MPZL1: variants seen among roughly 807,000 people sequenced by gnomAD.
MPZL1 encodes the protein myelin protein zero like 1.
MPZL1 carries 16 observed loss-of-function variants against 29.3 expected under a neutral mutation model. The ratio of observed to expected loss-of-function variants is 0.55; its 90% confidence interval spans 0.37 to 0.83. The LOEUF (loss-of-function observed/expected upper bound fraction) is 0.83. MPZL1 is among the 40% of genes least tolerant of loss of function. The pLI is 0.00. For missense variants in MPZL1, 279 were observed against 332.9 expected (o/e 0.84, Z 1.26); for synonymous variants, 143 against 132.0 (o/e 1.08, Z -0.57).
chr1:167,783,128 C>A (rs554139782), intron 5 of MPZL1, among the ~76,000 whole-genome samples: 1 of 152,272 alleles, frequency 6.6e-6, no homozygotes, highest in Admixed American at 6.5e-5. Flanking sequence ...GTTCTGGCTT[C>A]CAGCATTGTG....
intron 1 of MPZL1, among the ~76,000 whole-genome samples, chr1:167,743,922 G>A (rs371919206): frequency 1.3e-5 from 2 of 151,810 alleles, no homozygotes; most frequent in East Asian, 1.9e-4. Context: ...TGATTTCTCG[G>A]GCTAGGACTT....
intron 2 of MPZL1, among the ~76,000 whole-genome samples, chr1:167,767,854 ATTTTG>A (rs61669633): frequency 0.41 from 48,217 of 116,752 alleles, 10,450 homozygotes; most frequent in African/African-American, 0.63. Flanking sequence ...TTTTGTAATC[ATTTTG>A]TTTTGTTTTG....
chr1:167,739,440 G>C (rs60957395), intron 1 of MPZL1, among the ~76,000 whole-genome samples: 1 of 151,510 alleles, frequency 6.6e-6, no homozygotes, highest in Admixed American at 6.6e-5. Context: ...TTGGTGGTGT[G>C]CAGAGTGTTA....
In MPZL1 at chr1:167,750,985, A is replaced by G. The variant is rs1660743153; in HGVS notation, c.92-14598A>G. Among the ~76,000 whole-genome samples the G allele has an allele frequency of 2.6e-5, 4 of 152,292 alleles. No individual in the cohort carries two copies. In the East Asian group the frequency reaches 7.7e-4, roughly 29 times the overall value. ...GTGTCTGATGATTTAGGCTATCCAT[A>G]TTTGGCAGGAACACCACGGAAGTAA... is the stretch of plus-strand genomic sequence containing the variant. On this transcript the variant is annotated intron_variant, in intron 1 of 5. Transcript: ENST00000359523.
At chr1:167,755,261 A>G (rs1191778901) in intron 1 of MPZL1, among the ~76,000 whole-genome samples, 1 of 152,094 alleles carries the variant, frequency 6.6e-6, no homozygotes, top group African/African-American at 2.4e-5. Context: ...ATTCTTTCCA[A>G]TCTCTTGTTC....
intron 5 of MPZL1, among the ~76,000 whole-genome samples, chr1:167,785,999 T>C (rs1661585490): frequency 6.6e-6 from 1 of 152,186 alleles, no homozygotes; most frequent in Non-Finnish European, 1.5e-5. Flanking sequence ...TTCACCGTGT[T>C]AGCAAGGATG....
At chr1:167,775,599 A>G (rs1221486590) in intron 4 of MPZL1, among the ~76,000 whole-genome samples, 1 of 152,182 alleles carries the variant, frequency 6.6e-6, no homozygotes, top group East Asian at 1.9e-4. Context: ...TTGCCTGGAT[A>G]TATATCTGTA....
At chr1:167,746,305 A>T (rs1245147515) in intron 1 of MPZL1, among the ~76,000 whole-genome samples, 1 of 151,984 alleles carries the variant, frequency 6.6e-6, no homozygotes, top group Non-Finnish European at 1.5e-5. Flanking sequence ...AGGCTCTGGG[A>T]TGAGATGAGA....
rs975223626 is a variant in MPZL1, at chr1:167,772,339, G to T, written c.323G>T (p.Ser108Ile). ...GNYPPFKDRI[S>I]WAGDLDKKDA... Reference sequence around the variant, plus strand: ...TATCCACCATTTAAAGACAGAATCAGCTGGGCTGGAGACCTTGACAAGAAA... The same window carrying T: ...TATCCACCATTTAAAGACAGAATCATCTGGGCTGGAGACCTTGACAAGAAA... The change falls in exon 3 of 6, where the codon AGC (serine) becomes ATC (isoleucine). Residue 108 changes from serine to isoleucine, a missense_variant. Transcript: ENST00000359523. The T allele has an allele frequency of 1.9e-6, 3 of 1,613,796 alleles. No individual in the cohort carries two copies. Among genetic ancestry groups the T allele is most frequent in the Non-Finnish European group, 2.5e-6 (3 of 1,179,850 alleles).
chr1:167,737,017 G>T (rs1026508097), intron 1 of MPZL1, among the ~76,000 whole-genome samples: 1 of 152,114 alleles, frequency 6.6e-6, no homozygotes, highest in African/African-American at 2.4e-5. Flanking sequence ...GATTACCCTT[G>T]TCCCTTATTT....
intron 2 of MPZL1, 70 bp downstream of exon 2, chr1:167,765,819 C>T (rs546058324): frequency 1.5e-6 from 2 of 1,364,996 alleles, no homozygotes; most frequent in South Asian, 1.6e-5. Context: ...AATTGGTGAT[C>T]CATTTTTCTG....
chr1:167,730,549 G>A (rs914826853), intron 1 of MPZL1, among the ~76,000 whole-genome samples: 17 of 152,138 alleles, frequency 1.1e-4, no homozygotes, highest in African/African-American at 4.1e-4. Flanking sequence ...AAAGAGTTGG[G>A]ATTACAGGTA....
Position 167,773,305 on chromosome 1 carries a change from T to C in MPZL1, c.542T>C (p.Leu181Pro). The change falls in exon 4 of 6, where the codon CTG becomes CCG. Residue 181 changes from leucine to proline, a missense_variant. Coordinates refer to ENST00000359523, the MANE Select transcript of MPZL1 (RefSeq NM_003953.6). ...ACTGCTGTGGTCCTAGGTCTCACTCTGCTCATCAGCATGATTCTGGCTGTC... is the reference window on the plus strand; with the variant it reads ...ACTGCTGTGGTCCTAGGTCTCACTCCGCTCATCAGCATGATTCTGGCTGTC... ...IVTAVVLGLT[L>P]LISMILAVLY... 6.2e-7 allele frequency: 1 copy of C among 1,613,926 alleles called. No homozygotes were observed.
At chr1:167,767,800 T>C (rs1661149161) in intron 2 of MPZL1, among the ~76,000 whole-genome samples, 1 of 149,944 alleles carries the variant, frequency 6.7e-6, no homozygotes, top group Admixed American at 6.6e-5. Context: ...TGCTTTTTTT[T>C]TTTTTTTTTT....
chr1:167,760,747 CTGTG>C (rs58963124), intron 1 of MPZL1, among the ~76,000 whole-genome samples: 6,300 of 120,036 alleles, frequency 0.052, 246 homozygotes, highest in African/African-American at 0.13. Flanking sequence ...GTTGAATAGG[CTGTG>C]TGTGTGTGTG....
intron 1 of MPZL1, among the ~76,000 whole-genome samples, chr1:167,726,165 CT>C (rs1660142106): frequency 6.6e-6 from 1 of 152,146 alleles, no homozygotes; most frequent in Admixed American, 6.5e-5. Flanking sequence ...CATCTTTCTG[CT>C]CTGTGACACT....
At chr1:167,761,774 C>T (rs12122964) in intron 1 of MPZL1, among the ~76,000 whole-genome samples, 3 of 152,152 alleles carry the variant, frequency 2.0e-5, no homozygotes, top group African/African-American at 7.2e-5. Flanking sequence ...CAGCTGTGGT[C>T]AGCCACCCTG....
intron 1 of MPZL1, among the ~76,000 whole-genome samples, chr1:167,734,165 A>G (rs12565023): frequency 0.29 from 43,502 of 151,312 alleles, 6,352 homozygotes; most frequent in Middle Eastern, 0.33. Context: ...CTGAGGCAGG[A>G]GAATGGCGTG....
In MPZL1 at chr1:167,758,084, G is replaced by A. The variant is rs1571154237; in HGVS notation, c.92-7499G>A. On this transcript the variant is annotated intron_variant, in intron 1 of 5. Coordinates refer to ENST00000359523, the MANE Select transcript of MPZL1 (RefSeq NM_003953.6). ...CCAGAGAATCACTTGAACCCAGAAG[G>A]TGGAGGTTGCAGTGAGTTGAGATCG... 3.3e-5 allele frequency among the ~76,000 whole-genome samples: 5 copies of A among 151,876 alleles called. No individual in the cohort carries two copies. In the East Asian group the frequency reaches 9.6e-4, roughly 29 times the overall value.
Sources: allele counts gnomAD v4.1 joint callset (sites outside exome capture counted in the v4.1 genomes callset), GRCh38; gene constraint gnomAD v4.1.1; transcripts MANE v1.5; gene names NCBI Gene and HGNC (gene_info 2026-07-23, HGNC 2026-07-21).